Variants in SLC17A4 observed in about 807,000 individuals in gnomAD.
The protein encoded by SLC17A4 is probable small intestine urate exporter.
In SLC17A4, 33 loss-of-function variants were observed where a neutral mutation model predicts 52.5. The observed-to-expected ratio is 0.63, with a 90% CI of 0.48 to 0.84. The LOEUF is 0.84. SLC17A4 is among the 40% of genes least tolerant of loss of function. SLC17A4 has a pLI of 0.00. For missense variants in SLC17A4, 585 were observed against 597.1 expected (o/e 0.98, Z 0.21); for synonymous variants, 225 against 216.2 (o/e 1.04, Z -0.36).
intron 6 of SLC17A4, among the ~76,000 whole-genome samples, chr6:25,772,377 C>T (rs1324982781): frequency 6.6e-6 from 1 of 152,140 alleles, no homozygotes; most frequent in Admixed American, 6.6e-5. Context: ...ATTGTGTCTT[C>T]GCCATTTTAT....
intron 8 of SLC17A4, among the ~76,000 whole-genome samples, chr6:25,774,379 C>T (rs952061525): frequency 6.6e-6 from 1 of 152,174 alleles, no homozygotes; most frequent in African/African-American, 2.4e-5. Context: ...TATTCTTGTA[C>T]TCTCACTCTG....
intron 9 of SLC17A4, 22 bp from the exon 10 acceptor site, chr6:25,776,790 T>C (rs372802635): frequency 5.0e-6 from 8 of 1,613,888 alleles, no homozygotes; most frequent in Non-Finnish European, 6.8e-6. Flanking sequence ...CAGTTTACTC[T>C]GTGTTTGTCC....
intron 3 of SLC17A4, among the ~76,000 whole-genome samples, chr6:25,769,658 A>G (rs146727562): frequency 1.5e-3 from 236 of 152,300 alleles, no homozygotes; most frequent in African/African-American, 5.0e-3. Flanking sequence ...GAGTGTAACC[A>G]GGGACTAAGT....
At chr6:25,762,489 T>G (rs1328380338) in intron 2 of SLC17A4, among the ~76,000 whole-genome samples, 1 of 152,200 alleles carries the variant, frequency 6.6e-6, no homozygotes, top group African/African-American at 2.4e-5. Context: ...CTTATCTATA[T>G]TACAACATCA....
At chr6:25,772,400 T>C (rs1762555785) in intron 6 of SLC17A4, among the ~76,000 whole-genome samples, 1 of 152,184 alleles carries the variant, frequency 6.6e-6, no homozygotes, top group African/African-American at 2.4e-5. Context: ...TCTCAAAATT[T>C]AGCAAAAAGC....
chr6:25,756,372 A>G (rs1453772870), intron 1 of SLC17A4, among the ~76,000 whole-genome samples: 1 of 152,116 alleles, frequency 6.6e-6, no homozygotes, highest in Non-Finnish European at 1.5e-5. Flanking sequence ...TAACCATTTC[A>G]CACAACCACA....
chr6:25,778,499 CTT>C (rs1445606494), intron 11 of SLC17A4, among the ~76,000 whole-genome samples: 1 of 152,172 alleles, frequency 6.6e-6, no homozygotes, highest in African/African-American at 2.4e-5. Context: ...TCAAACTGCT[CTT>C]GTTTCTCCTG....
intron 2 of SLC17A4, among the ~76,000 whole-genome samples, chr6:25,762,834 G>A (rs960143037): frequency 4.6e-5 from 7 of 152,062 alleles, no homozygotes; most frequent in Non-Finnish European, 5.9e-5. Flanking sequence ...CAGTAGTCTC[G>A]GCTGAAGGTC....
intron 11 of SLC17A4, among the ~76,000 whole-genome samples, chr6:25,778,229 G>A (rs1763097096): frequency 6.6e-6 from 1 of 151,658 alleles, no homozygotes; most frequent in Non-Finnish European, 1.5e-5. Context: ...AGAAGTATGT[G>A]GCATTCTTAT....
Position 25,779,516 on chromosome 6 carries a change from A to G in SLC17A4, c.*328A>G. Reference sequence around the variant, plus strand: ...CTTGGGACCGAGAACTGAGAATCACAAGGGAGTTGCGCCCAACATGCAGAA... The same window carrying G: ...CTTGGGACCGAGAACTGAGAATCACGAGGGAGTTGCGCCCAACATGCAGAA... On this transcript the variant is annotated 3_prime_UTR_variant, in exon 12 of 12. Transcript: ENST00000377905. 4.5e-6 allele frequency: 1 copy of G among 223,072 alleles called. No homozygotes were observed. Among genetic ancestry groups the G allele is most frequent in the Non-Finnish European group, 8.7e-6 (1 of 114,526 alleles). 13.8% of individuals were successfully genotyped at this position (223,072 alleles called of 1,614,324 possible). A position where few individuals can be genotyped will look rare whatever the true frequency, so the allele number is the denominator to read the frequency against.
At chr6:25,778,968 C>G in intron 11 of SLC17A4, 86 bp from the exon 12 acceptor site, 1 of 1,547,660 alleles carries the variant, frequency 6.5e-7, no homozygotes, top group Non-Finnish European at 8.8e-7. Flanking sequence ...GGGGAGGGAG[C>G]AGGAGGACAC....
chr6:25,776,920 A>G lies in SLC17A4; in HGVS notation c.1229A>G (p.Glu410Gly). 2 of 1,613,694 alleles carry G rather than the reference A, an allele frequency of 1.2e-6. No homozygotes were observed. Among genetic ancestry groups the G allele is most frequent in the South Asian group, 2.2e-5 (2 of 91,032 alleles). Residue 410 changes from glutamate to glycine, a missense_variant, in exon 10 of 12, where the codon GAA becomes GGA. Glu to Gly is a moderately conservative substitution (Grantham distance 98). Transcript: ENST00000377905. The stretch of plus-strand genomic sequence containing the variant: ...TCTTCTGCCATCAGCAGCTTCTGTG[A>G]ATCAGGAGCCCTTGTTAACTTCTTG... ...VLSSAISSFC[E>G]SGALVNFLDI... is the part of the protein sequence containing the mutation.
chr6:25,770,505 C>A, intron 5 of SLC17A4, 34 bp downstream of exon 5: 2 of 1,595,068 alleles, frequency 1.3e-6, no homozygotes, highest in Non-Finnish European at 1.7e-6. Context: ...TTTACATGCA[C>A]TGTCCAGGAG....
chr6:25,757,128 A>G (rs903785332), intron 1 of SLC17A4, among the ~76,000 whole-genome samples: 3 of 152,186 alleles, frequency 2.0e-5, no homozygotes, highest in African/African-American at 4.8e-5. Flanking sequence ...AGAGGGTTCC[A>G]TGGTCTAACA....
intron 11 of SLC17A4, 29 bp downstream of exon 11, chr6:25,778,045 A>C (rs371300282): frequency 4.1e-5 from 65 of 1,575,642 alleles, no homozygotes; most frequent in Non-Finnish European, 5.6e-5. Flanking sequence ...ATGAATATTC[A>C]TAAAAGAAAC....
chr6:25,766,097 A>T (rs149045983), intron 2 of SLC17A4, among the ~76,000 whole-genome samples: 1 of 150,904 alleles, frequency 6.6e-6, no homozygotes, highest in Non-Finnish European at 1.5e-5. Context: ...TTACATAATC[A>T]TAATTAACTT....
At chr6:25,772,196 C>G (rs1392659659) in intron 6 of SLC17A4, among the ~76,000 whole-genome samples, 1 of 152,056 alleles carries the variant, frequency 6.6e-6, no homozygotes, top group African/African-American at 2.4e-5. Context: ...ATTCAAACAA[C>G]AAGAAAATCT....
At chr6:25,775,679 C>A (rs1205497544) in intron 8 of SLC17A4, among the ~76,000 whole-genome samples, 1 of 152,158 alleles carries the variant, frequency 6.6e-6, no homozygotes, top group African/African-American at 2.4e-5. Context: ...CCTCCCACTA[C>A]AGCCTCCCAA....
rs771773986 is a variant in SLC17A4, at chr6:25,764,665, G to A, written c.91+2612G>A. Among the ~76,000 whole-genome samples the A allele has an allele frequency of 3.3e-5, 5 of 152,326 alleles. No homozygotes were observed. The South Asian group carries it at 6.2e-4, about 19-fold the overall frequency. On this transcript the variant is annotated intron_variant, in intron 2 of 11. Coordinates refer to ENST00000377905, the MANE Select transcript of SLC17A4 (RefSeq NM_005495.3). Reference sequence around the variant, plus strand: ...GTGGAGCTTCAGCTTGTGCTCCTCAGCTTGGAGTGGCAGTGTCCAGAAGCT... The same window carrying A: ...GTGGAGCTTCAGCTTGTGCTCCTCAACTTGGAGTGGCAGTGTCCAGAAGCT...
Sources: allele counts gnomAD v4.1 joint callset (sites outside exome capture counted in the v4.1 genomes callset), GRCh38; gene constraint gnomAD v4.1.1; transcripts MANE v1.5; gene names NCBI Gene and HGNC (gene_info 2026-07-23, HGNC 2026-07-21).